Variants in FSTL4 observed in about 807,000 individuals in gnomAD.
FSTL4 encodes the protein follistatin-related protein 4.
A neutral mutation model predicts 78.2 loss-of-function variants in FSTL4; 28 were observed. The observed-to-expected ratio is 0.36, with a 90% CI of 0.27 to 0.49. The LOEUF is 0.49. Among genes scored for constraint, FSTL4 ranks in the 20% least tolerant of loss-of-function variants. The probability of loss-of-function intolerance (pLI) is 0.98; values close to 1 mark genes in which losing one functional copy is unlikely to be tolerated. For synonymous variants in FSTL4, 422 were observed against 440.5 expected (o/e 0.96, Z 0.53); for missense variants, 922 against 1,084.9 (o/e 0.85, Z 2.11).
At chr5:133,239,233 AC>A (rs1751757643) in intron 7 of FSTL4, among the ~76,000 whole-genome samples, 1 of 57,310 alleles carries the variant, frequency 1.7e-5, no homozygotes, top group Non-Finnish European at 3.6e-5. Flanking sequence ...CCCCACCCCC[AC>A]CCCCCTCCCT....
At chr5:133,650,333 T>C in the FSTL4 span, among the ~76,000 whole-genome samples, 5 of 152,228 alleles carry the variant, frequency 3.3e-5, no homozygotes, top group Non-Finnish European at 5.9e-5. Context: ...TTATGGGTTG[T>C]GCCTTTGATG....
At chr5:133,299,992 G>A (rs1001959581) in intron 6 of FSTL4, among the ~76,000 whole-genome samples, 6 of 152,148 alleles carry the variant, frequency 3.9e-5, no homozygotes, top group Non-Finnish European at 7.4e-5. Flanking sequence ...CTCACAGCTG[G>A]CCCTTCTGCC....
chr5:133,818,301 G>T, the FSTL4 span, among the ~76,000 whole-genome samples: 2 of 152,212 alleles, frequency 1.3e-5, no homozygotes, highest in Non-Finnish European at 2.9e-5. Flanking sequence ...CCATGCAGGG[G>T]CTGTTGGCCA....
intron 3 of FSTL4, among the ~76,000 whole-genome samples, chr5:133,455,386 G>A (rs1757467335): frequency 6.6e-6 from 1 of 152,192 alleles, no homozygotes; most frequent in South Asian, 2.1e-4. Context: ...ATGAATGAGA[G>A]CATTTCTGGC....
chr5:133,404,849 A>G lies in FSTL4; in HGVS notation c.161-3863T>C, dbSNP rs1282185738. 2.0e-5 allele frequency among the ~76,000 whole-genome samples: 3 copies of G among 152,198 alleles called. No individual in the cohort carries two copies. The East Asian group carries it at 5.8e-4, about 29-fold the overall frequency. ...GCCAGCCACAACCAAGAGCACAGAC[A>G]GTTGGGTAATTTTGCTTCCAAATAC... On this transcript the variant is annotated intron_variant, in intron 3 of 15. Transcript: ENST00000265342.
intron 3 of FSTL4, among the ~76,000 whole-genome samples, chr5:133,404,253 A>G (rs988432710): frequency 5.9e-5 from 9 of 152,200 alleles, no homozygotes; most frequent in Middle Eastern, 3.2e-3. Context: ...TCCTCATTAA[A>G]CAAGCCCCTT....
chr5:133,650,507 T>G, the FSTL4 span, among the ~76,000 whole-genome samples: 1 of 152,198 alleles, frequency 6.6e-6, no homozygotes, highest in Non-Finnish European at 1.5e-5. Context: ...CTACATTCAT[T>G]TTTTTGCACA....
chr5:133,429,719 T>C (rs1756897070), intron 3 of FSTL4, among the ~76,000 whole-genome samples: 1 of 152,066 alleles, frequency 6.6e-6, no homozygotes, highest in African/African-American at 2.4e-5. Flanking sequence ...ACTCCCTGGG[T>C]TGTCTACAAG....
intron 3 of FSTL4, among the ~76,000 whole-genome samples, chr5:133,554,947 C>A (rs1759758903): frequency 6.6e-6 from 1 of 152,206 alleles, no homozygotes; most frequent in Non-Finnish European, 1.5e-5. Context: ...GCAGGGACAT[C>A]TGTAGCTATC....
At chr5:133,503,761 T>C (rs1228328689) in intron 3 of FSTL4, among the ~76,000 whole-genome samples, 1 of 152,196 alleles carries the variant, frequency 6.6e-6, no homozygotes, top group Admixed American at 6.5e-5. Context: ...CTCTCTCCTC[T>C]CCCATTGGCA....
chr5:133,234,946 T>A (rs148111660), intron 7 of FSTL4, among the ~76,000 whole-genome samples: 121 of 152,316 alleles, frequency 7.9e-4, no homozygotes, highest in African/African-American at 2.8e-3. Flanking sequence ...TCTTGACCCC[T>A]GGAGAAAACA....
chr5:133,293,927 C>A (rs751438781), intron 6 of FSTL4, among the ~76,000 whole-genome samples: 10 of 152,168 alleles, frequency 6.6e-5, no homozygotes, highest in Non-Finnish European at 1.5e-4. Context: ...CCTCCTGCAT[C>A]ATTTCTTCTC....
chr5:133,401,655 T>C (rs1313191188), intron 3 of FSTL4, among the ~76,000 whole-genome samples: 1 of 152,150 alleles, frequency 6.6e-6, no homozygotes, highest in Non-Finnish European at 1.5e-5. Context: ...GCAAAGAGCA[T>C]GGGAGCCAGG....
intron 3 of FSTL4, among the ~76,000 whole-genome samples, chr5:133,468,414 C>T (rs1399074479): frequency 6.6e-6 from 1 of 152,168 alleles, no homozygotes; most frequent in African/African-American, 2.4e-5. Context: ...TGGTTCATTT[C>T]CAAGACAGGT....
At chr5:133,755,771 G>C in the FSTL4 span, among the ~76,000 whole-genome samples, 1 of 152,184 alleles carries the variant, frequency 6.6e-6, no homozygotes, top group African/African-American at 2.4e-5. Flanking sequence ...GGACTCCAAG[G>C]GGAGCACCTG....
intron 2 of FSTL4, among the ~76,000 whole-genome samples, chr5:133,571,403 A>G (rs557989542): frequency 6.6e-6 from 1 of 152,352 alleles, no homozygotes; most frequent in South Asian, 2.1e-4. Context: ...CAGGCATAGC[A>G]CGAAATGGGA....
intron 3 of FSTL4, among the ~76,000 whole-genome samples, chr5:133,473,425 G>A (rs1193491025): frequency 1.3e-5 from 2 of 152,096 alleles, no homozygotes; most frequent in African/African-American, 4.8e-5. Flanking sequence ...GATCAGCACC[G>A]ACCAGTCATG....
chr5:133,483,040 A>G (rs1462145007), intron 3 of FSTL4, among the ~76,000 whole-genome samples: 1 of 152,190 alleles, frequency 6.6e-6, no homozygotes, highest in Non-Finnish European at 1.5e-5. Flanking sequence ...GGAGGGACCC[A>G]GTGGGAGGTA....
At chr5:133,241,026 A>G (rs1342453776) in intron 7 of FSTL4, among the ~76,000 whole-genome samples, 1 of 152,140 alleles carries the variant, frequency 6.6e-6, no homozygotes, top group Non-Finnish European at 1.5e-5. Flanking sequence ...CAGTATTTGA[A>G]TGAGCTCCAG....
Sources: gnomAD v4.1 joint callset for allele counts (sites outside exome capture counted in the v4.1 genomes callset) on GRCh38, gnomAD v4.1.1 for gene constraint, MANE v1.5 for transcripts, NCBI Gene and HGNC (gene_info 2026-07-23, HGNC 2026-07-21) for gene names.